Variants in JADE1 observed in about 807,000 individuals in gnomAD.
JADE1 encodes the protein protein Jade-1.
JADE1 carries 14 observed loss-of-function variants against 81.8 expected under a neutral mutation model. The ratio of observed to expected loss-of-function variants is 0.17; its 90% CI spans 0.11 to 0.27. The LOEUF (loss-of-function observed/expected upper bound fraction) is 0.27, where lower values mean the gene tolerates loss of function less well. JADE1 is among the 10% of genes least tolerant of loss of function. The probability of loss-of-function intolerance (pLI) is 1.00; values close to 1 mark genes in which losing one functional copy is unlikely to be tolerated. For synonymous variants in JADE1, 353 were observed against 391.9 expected, an observed-to-expected ratio of 0.90 and a Z score of 1.17; for missense variants, 690 against 1,047.9, an observed-to-expected ratio of 0.66 and a Z score of 4.71.
intron 1 of JADE1, among the ~76,000 whole-genome samples, chr4:128,820,738 T>G (rs1213781621): frequency 6.6e-6 from 1 of 152,138 alleles, no homozygotes; most frequent in Non-Finnish European, 1.5e-5. Flanking sequence ...TTAACATTGT[T>G]AGTGGTAACG....
In JADE1 at chr4:128,855,615, G is replaced by A. The variant is rs1730729823; in HGVS notation, c.697-15G>A. 2 of 1,600,288 alleles carry A rather than the reference G, an allele frequency of 1.2e-6. No homozygotes were observed. Among genetic ancestry groups the A allele is most frequent in the South Asian group, 2.2e-5 (2 of 89,960 alleles). ...CTTTCTCTCTATTCCTCTGGGATGT[G>A]CCGTGGCATCACAGGCCTGTTATGG... On this transcript the variant is annotated splice_polypyrimidine_tract_variant and intron_variant, in intron 6 of 10. Transcript: ENST00000226319.
At chr4:128,863,851 G>C (rs1731574330) in intron 9 of JADE1, 1 of 985,394 alleles carries the variant, frequency 1.0e-6, no homozygotes, top group African/African-American at 1.7e-5. Flanking sequence ...TTGTTGGGAG[G>C]GGGAGGACAA....
At chr4:128,836,510 G>C (rs552668541) in intron 2 of JADE1, among the ~76,000 whole-genome samples, 2 of 152,170 alleles carry the variant, frequency 1.3e-5, no homozygotes, top group South Asian at 4.2e-4. Flanking sequence ...GAGAAGGCGT[G>C]GGTCTTGCTG....
intron 1 of JADE1, among the ~76,000 whole-genome samples, chr4:128,810,624 CAT>C (rs1201022758): frequency 6.6e-6 from 1 of 151,166 alleles, no homozygotes. Context: ...TTTGTCCAAA[CAT>C]AGGTGTGCGT....
chr4:128,812,195 G>C (rs1198305668), intron 1 of JADE1, among the ~76,000 whole-genome samples: 1 of 152,102 alleles, frequency 6.6e-6, no homozygotes, highest in African/African-American at 2.4e-5. Context: ...AGCGGGGCTT[G>C]GTTGCGCCAC....
intron 8 of JADE1, among the ~76,000 whole-genome samples, chr4:128,858,759 A>T (rs1161412908): frequency 6.6e-6 from 1 of 151,902 alleles, no homozygotes; most frequent in Non-Finnish European, 1.5e-5. Context: ...CGCACCAGCA[A>T]GCCCGGCTAA....
chr4:128,845,781 G>T (rs1048807000), intron 3 of JADE1, among the ~76,000 whole-genome samples: 3 of 152,080 alleles, frequency 2.0e-5, no homozygotes, highest in Non-Finnish European at 2.9e-5. Flanking sequence ...AAATTAGCTG[G>T]GCGTGGTGGC....
intron 1 of JADE1, among the ~76,000 whole-genome samples, chr4:128,816,660 C>T (rs1167693730): frequency 6.6e-6 from 1 of 152,182 alleles, no homozygotes; most frequent in African/African-American, 2.4e-5. Context: ...TGTATTTTTA[C>T]GTTTAATCCC....
chr4:128,855,426 A>T (rs905591105), intron 6 of JADE1, among the ~76,000 whole-genome samples: 2 of 152,202 alleles, frequency 1.3e-5, no homozygotes, highest in Non-Finnish European at 2.9e-5. Flanking sequence ...TTATGAATAC[A>T]TATTCACCTC....
Position 128,848,834 on chromosome 4 carries a change from ATT to A in JADE1, c.297-145_297-144del. ...TTTAACAACTTCTAGTTAAGGTTTT[ATT>A]AGCAGTGACATTCAGGTTTTCAGCC... On this transcript the variant is annotated intron_variant, in intron 4 of 10. Coordinates refer to ENST00000226319, the MANE Select transcript of JADE1 (RefSeq NM_199320.4). 3 of 704,344 alleles carry A rather than the reference ATT, an allele frequency of 4.3e-6. No homozygotes were observed. The South Asian group carries it at 5.2e-5, about 12-fold the overall frequency. 43.6% of individuals were successfully genotyped at this position (704,344 alleles called of 1,614,324 possible).
intron 3 of JADE1, 65 bp downstream of exon 3, chr4:128,843,103 G>T: frequency 2.2e-6 from 3 of 1,346,942 alleles, no homozygotes; most frequent in Non-Finnish European, 3.1e-6. Flanking sequence ...TAGTTGAGTG[G>T]TATCTATTTG....
In JADE1 at chr4:128,871,447, T is replaced by A. The variant is rs1481639989; in HGVS notation, c.1714T>A (p.Leu572Met). Residue 572 changes from leucine to methionine, a missense_variant, in exon 11 of 11, where the codon TTG becomes ATG. This residue lies in a region of JADE1 where 86 missense variants were observed against 95.4 expected (regional missense o/e 0.90). Transcript: ENST00000226319. The surrounding 1 kb of genome is among the most constrained non-coding windows in gnomAD (Gnocchi z 4.1). ...CCCTGATGCTCCCAAGATAGAGGAC[T>A]TGAAGTGGCATTCTGCATTCTTCAG... is the stretch of plus-strand genomic sequence containing the variant. The part of the protein sequence containing the change: ...VGPDAPKIED[L>M]KWHSAFFRKQ... The A allele has an allele frequency of 6.2e-6, 10 of 1,614,236 alleles. No homozygotes were observed. Among genetic ancestry groups the A allele is most frequent in the Non-Finnish European group, 8.5e-6 (10 of 1,180,026 alleles).
intron 2 of JADE1, among the ~76,000 whole-genome samples, chr4:128,837,212 T>G (rs1729056084): frequency 6.6e-6 from 1 of 152,142 alleles, no homozygotes; most frequent in African/African-American, 2.4e-5. Context: ...TTCCCACCTA[T>G]CAGAGCCAGG....
At position 128,862,913 on chromosome 4, in the gene JADE1, T is replaced by TGC. The variant is rs375623344; in HGVS notation, c.1503+692_1503+693dup. 86 of 983,440 alleles carry TGC rather than the reference T, an allele frequency of 8.7e-5. 1 individual carries two copies. In the East Asian group the frequency reaches 4.6e-3, roughly 53 times the overall value. 60.9% of individuals were successfully genotyped at this position (983,440 alleles called of 1,614,324 possible). A position where few individuals can be genotyped will look rare whatever the true frequency, so the allele number is the denominator to read the frequency against. On this transcript the variant is annotated intron_variant, in intron 9 of 10. Transcript: ENST00000226319. ...CTGAGGCTGTGTGTGTGTGTGTGTG[T>TGC]GCGCGTGCCCGTGTCCATCCATGTC... is the stretch of plus-strand genomic sequence containing the variant.
intron 1 of JADE1, among the ~76,000 whole-genome samples, chr4:128,829,273 A>T (rs774782608): frequency 1.3e-5 from 2 of 152,156 alleles, no homozygotes; most frequent in Non-Finnish European, 2.9e-5. Flanking sequence ...AAAGGGATGG[A>T]GTGGGTTTTA....
At chr4:128,831,067 T>A (rs1010498093) in intron 1 of JADE1, among the ~76,000 whole-genome samples, 1 of 152,214 alleles carries the variant, frequency 6.6e-6, no homozygotes, top group Non-Finnish European at 1.5e-5. Flanking sequence ...CAACGTGACC[T>A]TGGGGAAGTT....
At position 128,858,843 on chromosome 4, in the gene JADE1, C is replaced by T. The variant is rs946283563; in HGVS notation, c.981+1389C>T. Among the ~76,000 whole-genome samples, 4 of 152,136 alleles carry T rather than the reference C, an allele frequency of 2.6e-5. No individual in the cohort carries two copies. The East Asian group carries it at 7.7e-4, about 29-fold the overall frequency. ...CAGGCTGGTCTCGAACTCCTGACCT[C>T]GTGATCCACCCACCTCGGCCTCCCA... On this transcript the variant is annotated intron_variant, in intron 8 of 10. Coordinates refer to ENST00000226319, the MANE Select transcript of JADE1 (RefSeq NM_199320.4).
At chr4:128,820,818 C>G (rs1208340581) in intron 1 of JADE1, among the ~76,000 whole-genome samples, 1 of 152,076 alleles carries the variant, frequency 6.6e-6, no homozygotes, top group African/African-American at 2.4e-5. Flanking sequence ...TCAATCTGTG[C>G]ACAGTGTAAT....
chr4:128,831,449 G>A (rs1461352934), intron 1 of JADE1: 3 of 374,022 alleles, frequency 8.0e-6, no homozygotes, highest in Non-Finnish European at 1.5e-5. Flanking sequence ...GATTCCTGGA[G>A]TAGTTATAGT....
Sources: gnomAD v4.1 joint callset for allele counts (sites outside exome capture counted in the v4.1 genomes callset) on GRCh38, gnomAD v4.1.1 for gene constraint, gnomAD v4.1.1 regional missense constraint, Gnocchi (gnomAD v3.1) non-coding constraint, MANE v1.5 for transcripts, NCBI Gene and HGNC (gene_info 2026-07-23, HGNC 2026-07-21) for gene names.